GSE1: variants seen among roughly 807,000 people sequenced by gnomAD.
GSE1 encodes Gse1 coiled-coil protein.
A neutral mutation model predicts 112.6 loss-of-function variants in GSE1; 32 were observed. That is an observed-to-expected ratio of 0.28 (90% confidence interval 0.21 to 0.38). The LOEUF is 0.38. GSE1 is among the 10% of genes least tolerant of loss of function. The pLI, the probability that GSE1 is intolerant of heterozygous loss-of-function variation, is 1.00. For synonymous variants in GSE1, 1,115 were observed against 735.6 expected (o/e 1.52, Z -8.35); for missense variants, 2,348 against 1,699.2 (o/e 1.38, Z -6.71).
chr16:85,597,373 CAAAAAAAAA>C (rs1165062872), intron 1 of GSE1, among the ~76,000 whole-genome samples: 1 of 31,846 alleles, frequency 3.1e-5, no homozygotes, highest in Non-Finnish European at 6.7e-5. Context: ...GACTCTGTCT[CAAAAAAAAA>C]AAAAAAAAAA....
chr16:85,668,232 C>T lies in GSE1; in HGVS notation c.3223C>T (p.Pro1075Ser), dbSNP rs138762584. 275 of 1,610,422 alleles carry T rather than the reference C, an allele frequency of 1.7e-4. 1 individual carries two copies. The highest frequency in any genetic ancestry group is 8.3e-4 in the Middle Eastern group (5 of 6,042). Reference sequence around the variant, plus strand: ...TGAGCTGCAGTCCTCCAGCCGCGCCCCTCCACCCCAGCACAATGGGCAGCA... The same window carrying T: ...TGAGCTGCAGTCCTCCAGCCGCGCCTCTCCACCCCAGCACAATGGGCAGCA... Reference protein sequence around the residue: ...IPELQSSSRAPPPQHNGQQEP... With the variant: ...IPELQSSSRASPPQHNGQQEP... Residue 1075 changes from proline (P) to serine (S), a missense_variant, in exon 14 of 16, where the codon CCT (proline) becomes TCT (serine). Pro to Ser is a moderately conservative substitution (Grantham distance 74, BLOSUM62 -1). Transcript: ENST00000253458.
At chr16:85,571,344 A>C (rs74031845) in intron 1 of GSE1, among the ~76,000 whole-genome samples, 1,634 of 152,356 alleles carry the variant, frequency 0.011, 29 homozygotes, top group African/African-American at 0.037. Context: ...AACTGAACTG[A>C]TCAAAATTAA....
intron 2 of GSE1, among the ~76,000 whole-genome samples, chr16:85,453,137 C>T (rs2049731817): frequency 6.6e-6 from 1 of 152,210 alleles, no homozygotes; most frequent in South Asian, 2.1e-4. Context: ...GGGTTAGCAA[C>T]TGCCAGGCAG....
intron 2 of GSE1, among the ~76,000 whole-genome samples, chr16:85,379,092 C>T (rs1176018338): frequency 6.6e-6 from 1 of 152,160 alleles, no homozygotes; most frequent in African/African-American, 2.4e-5. Context: ...AGAGAGCTGC[C>T]ATCTCCCTGC....
At chr16:85,409,281 T>C (rs533036060) in intron 2 of GSE1, among the ~76,000 whole-genome samples, 1 of 30,742 alleles carries the variant, frequency 3.3e-5, no homozygotes, top group Non-Finnish European at 6.2e-5. Flanking sequence ...AGGGTCCCTC[T>C]GATAATCCTC....
intron 1 of GSE1, among the ~76,000 whole-genome samples, chr16:85,617,184 C>T (rs1413456053): frequency 6.6e-6 from 1 of 152,190 alleles, no homozygotes. Context: ...CCTGATGCCT[C>T]CCTCGCATCC....
intron 2 of GSE1, among the ~76,000 whole-genome samples, chr16:85,451,152 C>T (rs868752522): frequency 2.0e-5 from 3 of 150,546 alleles, no homozygotes; most frequent in African/African-American, 2.4e-5. Context: ...CTTTTTAGAG[C>T]GTACCAGTTG....
At chr16:85,521,820 C>T (rs781773144) in intron 2 of GSE1, among the ~76,000 whole-genome samples, 14 of 152,356 alleles carry the variant, frequency 9.2e-5, no homozygotes, top group Non-Finnish European at 1.9e-4. Context: ...AAATCCGGAG[C>T]GCGCTGGCGC....
intron 1 of GSE1, among the ~76,000 whole-genome samples, chr16:85,203,574 A>G (rs1219582816): frequency 6.6e-6 from 1 of 152,170 alleles, no homozygotes; most frequent in Non-Finnish European, 1.5e-5. Flanking sequence ...AAGAGTGGCA[A>G]GTGGGCCTAG....
At chr16:85,399,172 G>T (rs750721436) in intron 2 of GSE1, among the ~76,000 whole-genome samples, 34 of 152,270 alleles carry the variant, frequency 2.2e-4, no homozygotes, top group African/African-American at 7.9e-4. Context: ...GCATATGACC[G>T]TATAGATGTG....
chr16:85,289,801 G>A (rs2045152607), intron 1 of GSE1, among the ~76,000 whole-genome samples: 1 of 152,180 alleles, frequency 6.6e-6, no homozygotes, highest in Non-Finnish European at 1.5e-5. Context: ...AACTGGTTCA[G>A]CCTCTGGCTC....
At chr16:85,543,304 T>C (rs2044588519) in intron 2 of GSE1, among the ~76,000 whole-genome samples, 1 of 151,692 alleles carries the variant, frequency 6.6e-6, no homozygotes, top group Non-Finnish European at 1.5e-5. Context: ...CAACCGGACA[T>C]AGCCTGGATT....
Position 85,663,099 on chromosome 16 carries a change from G to A in GSE1, c.2373+6G>A, listed in dbSNP as rs1032366879. On this transcript the variant is annotated splice_donor_region_variant and intron_variant, in intron 10 of 15. Coordinates refer to ENST00000253458, the MANE Select transcript of GSE1 (RefSeq NM_014615.5). The stretch of plus-strand genomic sequence containing the variant: ...AACTGGACACGTCCTCTGAGGTACT[G>A]GGCTCTCCTCCCCACGGACATGCTC... 10 of 1,578,354 alleles carry A rather than the reference G, an allele frequency of 6.3e-6. No homozygotes were observed. The African/African-American group carries it at 9.4e-5, about 15-fold the overall frequency.
intron 2 of GSE1, among the ~76,000 whole-genome samples, chr16:85,410,204 C>CCT (rs1255970659): frequency 2.7e-5 from 1 of 36,596 alleles, no homozygotes; most frequent in Non-Finnish European, 5.0e-5. Flanking sequence ...CTCAGGCCCC[C>CCT]GGATAATCCT....
chr16:85,416,554 C>T (rs1428717205), intron 2 of GSE1, among the ~76,000 whole-genome samples: 1 of 152,178 alleles, frequency 6.6e-6, no homozygotes, highest in East Asian at 1.9e-4. Context: ...CTAGGGGGAG[C>T]CCGGGTTGAG....
intron 1 of GSE1, among the ~76,000 whole-genome samples, chr16:85,194,089 C>A (rs775866846): frequency 1.2e-4 from 19 of 152,192 alleles, no homozygotes; most frequent in Non-Finnish European, 2.2e-4. Context: ...TGTGGCAGAG[C>A]TCGACTCTGA....
intron 2 of GSE1, among the ~76,000 whole-genome samples, chr16:85,486,329 G>A (rs749436609): frequency 3.3e-5 from 5 of 152,036 alleles, no homozygotes; most frequent in Admixed American, 1.3e-4. Flanking sequence ...GCTCTTGCAC[G>A]CATGTTGTCA....
At chr16:85,655,175 C>T (rs2051812919) in intron 5 of GSE1, among the ~76,000 whole-genome samples, 184 bp downstream of exon 5, 1 of 152,314 alleles carries the variant, frequency 6.6e-6, no homozygotes, top group East Asian at 1.9e-4. Context: ...TTAGGGGTCC[C>T]CTCCTGGTAG....
chr16:85,542,223 C>T (rs1374017105), intron 2 of GSE1, among the ~76,000 whole-genome samples: 3 of 152,158 alleles, frequency 2.0e-5, no homozygotes, highest in Non-Finnish European at 2.9e-5. Flanking sequence ...GATCAGCAGG[C>T]GAAGGCGGGG....
Sources: allele counts gnomAD v4.1 joint callset (sites outside exome capture counted in the v4.1 genomes callset), GRCh38; gene constraint gnomAD v4.1.1; transcripts MANE v1.5; gene names NCBI Gene and HGNC (gene_info 2026-07-23, HGNC 2026-07-21).